Variants in PCSK6 observed in about 807,000 individuals in gnomAD.
PCSK6 encodes proprotein convertase subtilisin/kexin type 6.
A neutral mutation model predicts 123.3 loss-of-function variants in PCSK6; 85 were observed. The observed-to-expected ratio is 0.69, with a 90% CI of 0.58 to 0.83. PCSK6 has a LOEUF of 0.83. Ranked by LOEUF, PCSK6 falls within the 40% of genes least tolerant of loss-of-function variation. PCSK6 has a pLI of 0.00. For missense variants in PCSK6, 1,191 were observed against 1,282.3 expected (o/e 0.93, Z 1.09); for synonymous variants, 508 against 516.0 (o/e 0.98, Z 0.21).
At chr15:101,402,582 C>T (rs2042623630) in intron 6 of PCSK6, among the ~76,000 whole-genome samples, 1 of 152,150 alleles carries the variant, frequency 6.6e-6, no homozygotes, top group South Asian at 2.1e-4. Context: ...AAGAAAGAAA[C>T]AAACAACCCC....
At chr15:101,335,554 G>A (rs2040460043) in intron 13 of PCSK6, among the ~76,000 whole-genome samples, 1 of 152,196 alleles carries the variant, frequency 6.6e-6, no homozygotes, top group Non-Finnish European at 1.5e-5. Flanking sequence ...TCTTATTCAA[G>A]CAAATATGAA....
chr15:101,450,932 C>T (rs2057017941), intron 1 of PCSK6, among the ~76,000 whole-genome samples: 1 of 151,872 alleles, frequency 6.6e-6, no homozygotes. Context: ...TGGCCAGTGC[C>T]CTTCATTCAT....
intron 13 of PCSK6, among the ~76,000 whole-genome samples, chr15:101,360,009 C>T (rs1457027002): frequency 2.0e-5 from 3 of 152,086 alleles, no homozygotes; most frequent in East Asian, 1.9e-4. Flanking sequence ...CTGCAATGTT[C>T]CAGATCTAGG....
At chr15:101,353,320 C>T (rs1183541733) in intron 13 of PCSK6, among the ~76,000 whole-genome samples, 10 of 152,094 alleles carry the variant, frequency 6.6e-5, no homozygotes, top group African/African-American at 1.7e-4. Context: ...GTGCCTTTGC[C>T]GATGTGACAG....
chr15:101,410,634 C>T (rs995645716), intron 6 of PCSK6, among the ~76,000 whole-genome samples: 6 of 152,202 alleles, frequency 3.9e-5, no homozygotes, highest in African/African-American at 7.2e-5. Context: ...TTATACACTG[C>T]GAAGGCTTCC....
chr15:101,453,139 G>A (rs1162183673), intron 1 of PCSK6, among the ~76,000 whole-genome samples: 3 of 152,216 alleles, frequency 2.0e-5, no homozygotes, highest in African/African-American at 7.2e-5. Context: ...GCGACAGACT[G>A]CTTCTCAGAG....
chr15:101,403,472 C>CTGAT (rs2042671039), intron 6 of PCSK6, among the ~76,000 whole-genome samples: 1 of 150,918 alleles, frequency 6.6e-6, no homozygotes, highest in Non-Finnish European at 1.5e-5. Context: ...GTAACAATAA[C>CTGAT]TGATTGGTTT....
intron 1 of PCSK6, among the ~76,000 whole-genome samples, chr15:101,457,601 T>C (rs1034340300): frequency 6.6e-6 from 1 of 152,214 alleles, no homozygotes; most frequent in Non-Finnish European, 1.5e-5. Flanking sequence ...TGATTTCAAT[T>C]CTTAAAAATA....
At chr15:101,344,816 C>T (rs569730961) in intron 13 of PCSK6, among the ~76,000 whole-genome samples, 49 of 152,018 alleles carry the variant, frequency 3.2e-4, no homozygotes, top group African/African-American at 1.1e-3. Context: ...CCACCACATG[C>T]GGCTAATTTT....
In PCSK6 at chr15:101,443,616, G is replaced by T. The variant is rs373075527; in HGVS notation, c.342C>A (p.Thr114=). 6.4e-5 allele frequency: 104 copies of T among 1,613,954 alleles called. No homozygotes were observed. In the African/African-American group the frequency reaches 1.3e-3, roughly 20 times the overall value. Residue 114 remains threonine (T), a synonymous_variant, in exon 2 of 22, where the codon ACC becomes ACA. Coordinates refer to ENST00000611716, the MANE Select transcript of PCSK6 (RefSeq NM_002570.5). ...TGCTACTCAAGGTTGATCTTTTAAA[G>T]GTTTTGCTGTGATAAAAATGGTAGT... is the stretch of plus-strand genomic sequence containing the variant. ...EDYYHFYHSK[T]FKRSTLSSRG...
intron 13 of PCSK6, among the ~76,000 whole-genome samples, chr15:101,355,552 A>C (rs2041011976): frequency 1.3e-5 from 2 of 152,218 alleles, no homozygotes. Flanking sequence ...GGAAGAAGTG[A>C]AGAACAAGGA....
chr15:101,319,471 C>G (rs941053086), intron 18 of PCSK6, among the ~76,000 whole-genome samples: 4 of 152,194 alleles, frequency 2.6e-5, no homozygotes, highest in African/African-American at 4.8e-5. Context: ...TTGGAATTAT[C>G]AAAGTGCTAA....
In PCSK6 at chr15:101,389,511, G is replaced by T. The variant is rs58321920; in HGVS notation, c.1263C>A (p.Val421=). The T allele has an allele frequency of 1.2e-6, 2 of 1,613,632 alleles. No individual in the cohort carries two copies. Among genetic ancestry groups the T allele is most frequent in the Non-Finnish European group, 1.7e-6 (2 of 1,179,694 alleles). The change falls in exon 9 of 22, where the codon GTC becomes GTA. Residue 421 remains valine (V), a synonymous_variant. Coordinates refer to ENST00000611716, the MANE Select transcript of PCSK6 (RefSeq NM_002570.5). Reference sequence around the variant, plus strand: ...TGATGCCCGCCACCATGGGGGCAGAGACTGAGGTCCCAGTGTGGCCATCGG... The same window carrying T: ...TGATGCCCGCCACCATGGGGGCAGATACTGAGGTCCCAGTGTGGCCATCGG... ...RCTDGHTGTS[V]SAPMVAGIIA... is the part of the protein sequence containing the mutation.
intron 1 of PCSK6, among the ~76,000 whole-genome samples, chr15:101,458,470 G>A (rs955950106): frequency 6.6e-6 from 1 of 152,112 alleles, no homozygotes; most frequent in Admixed American, 6.5e-5. Flanking sequence ...ACCCCCACAG[G>A]ACCCGGCTTC....
intron 5 of PCSK6, 31 bp from the exon 6 acceptor site, chr15:101,428,011 G>A (rs375644506): frequency 5.4e-5 from 83 of 1,526,246 alleles, no homozygotes; most frequent in South Asian, 4.8e-4. Flanking sequence ...AAGTGAGGAC[G>A]CAGCCCAGCA....
chr15:101,443,378 C>T (rs2056805581), intron 2 of PCSK6, among the ~76,000 whole-genome samples, 178 bp downstream of exon 2: 1 of 152,190 alleles, frequency 6.6e-6, no homozygotes, highest in African/African-American at 2.4e-5. Context: ...GAGAGATCCT[C>T]ACTCACATGA....
intron 2 of PCSK6, among the ~76,000 whole-genome samples, chr15:101,437,740 TGAAAGGGGACA>T (rs1030398085): frequency 2.0e-5 from 3 of 152,126 alleles, no homozygotes; most frequent in African/African-American, 7.2e-5. Flanking sequence ...CTTATTTTGC[TGAAAGGGGACA>T]GAAGGTGCCC....
In PCSK6 at chr15:101,431,552, T is replaced by C. The variant is rs565231416; in HGVS notation, c.514-89A>G. 58 of 1,532,164 alleles carry C rather than the reference T, an allele frequency of 3.8e-5. 1 individual carries two copies. The East Asian group carries it at 1.2e-3, about 33-fold the overall frequency. The allele number at this position is 1,532,164 out of a possible 1,614,324, so 94.9% of individuals were successfully genotyped here. A position where few individuals can be genotyped will look rare whatever the true frequency, so the allele number is the denominator to read the frequency against. On this transcript the variant is annotated intron_variant, in intron 3 of 21. Coordinates refer to ENST00000611716, the MANE Select transcript of PCSK6 (RefSeq NM_002570.5). ...GGTGCACACCCCACAGGGAGGCGCT[T>C]AGGCTTGCAAGTAAAAAAGGAGGGA...
chr15:101,463,483 G>T (rs543573471), intron 1 of PCSK6, among the ~76,000 whole-genome samples: 1 of 152,252 alleles, frequency 6.6e-6, no homozygotes, highest in African/African-American at 2.4e-5. Flanking sequence ...CCATGCCTTG[G>T]GAACCGGTCT....
Sources: allele counts gnomAD v4.1 joint callset (sites outside exome capture counted in the v4.1 genomes callset), GRCh38; gene constraint gnomAD v4.1.1; transcripts MANE v1.5; gene names NCBI Gene and HGNC (gene_info 2026-07-23, HGNC 2026-07-21).